TMEM63B: variants seen among roughly 807,000 people sequenced by gnomAD.
TMEM63B encodes the protein transmembrane protein 63B.
In TMEM63B, 23 loss-of-function variants were observed where a neutral mutation model predicts 102.6. The ratio of observed to expected loss-of-function variants is 0.22; its 90% CI spans 0.16 to 0.32. TMEM63B has a LOEUF of 0.32. TMEM63B is among the 10% of genes least tolerant of loss of function. TMEM63B has a pLI of 1.00. For synonymous variants in TMEM63B, 444 were observed against 437.0 expected, an observed-to-expected ratio of 1.02 and a Z score of -0.20; for missense variants, 628 against 1,095.9, an observed-to-expected ratio of 0.57 and a Z score of 6.03.
At chr6:44,146,969 C>A in intron 11 of TMEM63B, 42 bp downstream of exon 11, 2 of 1,603,672 alleles carry the variant, frequency 1.2e-6, no homozygotes, top group Non-Finnish European at 1.7e-6. Context: ...CAAGGGCCCC[C>A]TGCCATTGTG....
chr6:44,153,082 A>C (rs1467370816), intron 20 of TMEM63B, among the ~76,000 whole-genome samples: 1 of 152,216 alleles, frequency 6.6e-6, no homozygotes, highest in Non-Finnish European at 1.5e-5. Context: ...CTCAGGAAAG[A>C]CTTGGATTCC....
chr6:44,126,677 C>T (rs1777094719), upstream of TMEM63B, among the ~76,000 whole-genome samples: 1 of 152,188 alleles, frequency 6.6e-6, no homozygotes, highest in South Asian at 2.1e-4. Flanking sequence ...GCAATACTTC[C>T]TTTTTGTCCC....
rs201388559 is a variant in TMEM63B, at chr6:44,154,416, C to T, written c.2278C>T (p.Pro760Ser). ...TVDPRSNGRPPTAAAVPKSAK... is the reference protein window; with the variant it reads ...TVDPRSNGRPSTAAAVPKSAK... ...GGACCCCAGAAGCAATGGACGGCCCCCCACTGCTGCTGCTGTCCCCAAATC... is the reference window on the plus strand; with the variant it reads ...GGACCCCAGAAGCAATGGACGGCCCTCCACTGCTGCTGCTGTCCCCAAATC... Residue 760 changes from proline (P) to serine (S), a missense_variant, in exon 23 of 24, where the codon CCC becomes TCC. Coordinates refer to ENST00000323267, the MANE Select transcript of TMEM63B (RefSeq NM_018426.3). 2 of 1,614,082 alleles carry T rather than the reference C, an allele frequency of 1.2e-6. No homozygotes were observed. The highest frequency in any genetic ancestry group is 2.2e-5 in the East Asian group (1 of 44,896).
chr6:44,144,030 GT>G (rs1381497680), intron 10 of TMEM63B, among the ~76,000 whole-genome samples: 1 of 152,224 alleles, frequency 6.6e-6, no homozygotes, highest in Non-Finnish European at 1.5e-5. Context: ...TTGGTCTATA[GT>G]TTTGTTTAGG....
Position 44,150,561 on chromosome 6 carries a change from C to T in TMEM63B, c.1608-3C>T. 3 of 1,614,198 alleles carry T rather than the reference C, an allele frequency of 1.9e-6. No individual in the cohort carries two copies. Among genetic ancestry groups the T allele is most frequent in the Non-Finnish European group, 2.5e-6 (3 of 1,180,030 alleles). ...ACCCCATCTCTCCTCTGCTTCCCTC[C>T]AGCCTGGACCTCTTCTTCCGCTGGC... On this transcript the variant is annotated splice_polypyrimidine_tract_variant and splice_region_variant and intron_variant, in intron 17 of 23. Transcript: ENST00000323267. The surrounding 1 kb of genome is among the most constrained non-coding windows in gnomAD (Gnocchi z 4.7).
rs1024111648 is a variant in TMEM63B at position 44,152,971 on chromosome 6, C to T, written c.1942+273C>T. On this transcript the variant is annotated intron_variant, in intron 20 of 23. Transcript: ENST00000323267. The surrounding 1 kb of genome is among the most constrained non-coding windows in gnomAD (Gnocchi z 6.4). Reference sequence around the variant, plus strand: ...ACTTACCCACACCTGTGCCTTCCCTCAGCGGGATGTGCTTGGACACAGATC... The same window carrying T: ...ACTTACCCACACCTGTGCCTTCCCTTAGCGGGATGTGCTTGGACACAGATC... Among the ~76,000 whole-genome samples, 30 of 152,244 alleles carry T rather than the reference C, an allele frequency of 2.0e-4. No individual in the cohort carries two copies. The highest frequency in any genetic ancestry group is 1.8e-3 in the Admixed American group (27 of 15,294).
chr6:44,138,360 TAGTGAGGG>T, intron 5 of TMEM63B, 112 bp from the exon 6 acceptor site: 3 of 1,262,298 alleles, frequency 2.4e-6, no homozygotes, highest in Admixed American at 3.6e-5. Flanking sequence ...GATTTTTTTT[TAGTGAGGG>T]GTGTGGAAGC....
At chr6:44,135,231 A>T (rs1762684537) in intron 3 of TMEM63B, 97 bp from the exon 4 acceptor site, 10 of 1,567,608 alleles carry the variant, frequency 6.4e-6, no homozygotes, top group Non-Finnish European at 8.7e-6. Flanking sequence ...CAATGTGGGC[A>T]TGGGGGCATG....
At chr6:44,128,713 C>A (rs567123705) in intron 1 of TMEM63B, among the ~76,000 whole-genome samples, 1 of 152,230 alleles carries the variant, frequency 6.6e-6, no homozygotes, top group Non-Finnish European at 1.5e-5. Flanking sequence ...GTGCCCAACA[C>A]CTGCTGAAGA....
At position 44,154,005 on chromosome 6, in the gene TMEM63B, G is replaced by A. The variant is rs1012854580; in HGVS notation, c.2111-68G>A. The A allele has an allele frequency of 5.7e-6, 9 of 1,570,082 alleles. No individual in the cohort carries two copies. In the African/African-American group the frequency reaches 9.5e-5, roughly 17 times the overall value. On this transcript the variant is annotated intron_variant, in intron 21 of 23. Transcript: ENST00000323267. ...GGGAGAGTGAGGACTGCATTCAGAG[G>A]GTATCAGAAGCTGGGGTGGGGAGGC...
At position 44,135,579 on chromosome 6, in the gene TMEM63B, G is replaced by A. The variant is rs1762778236; in HGVS notation, c.278+213G>A. Reference sequence around the variant, plus strand: ...CACCTCCCCTTCATCTCTCCCTCTGGCTCCCTGCCTGGGAGAAGTCCCTCC... The same window carrying A: ...CACCTCCCCTTCATCTCTCCCTCTGACTCCCTGCCTGGGAGAAGTCCCTCC... On this transcript the variant is annotated intron_variant, in intron 4 of 23. Transcript: ENST00000323267. Among the ~76,000 whole-genome samples, 3 of 152,184 alleles carry A rather than the reference G, an allele frequency of 2.0e-5. No homozygotes were observed. The South Asian group carries it at 6.2e-4, about 32-fold the overall frequency.
At chr6:44,127,475 CCTTGCGTGCGCCGGCGTGCGGGG>C, upstream of TMEM63B, 1 of 151,926 alleles carries the variant, frequency 6.6e-6, no homozygotes, top group East Asian at 2.0e-4. Context: ...TGCGCGCGCA[CCTTGCGTGCGCCGGCGTGCGGGG>C]CGGGACCTGC....
intron 1 of TMEM63B, among the ~76,000 whole-genome samples, chr6:44,128,150 C>T (rs894682551): frequency 1.3e-5 from 2 of 152,136 alleles, no homozygotes; most frequent in Non-Finnish European, 2.9e-5. Flanking sequence ...CTGCTGCTCC[C>T]GGGGGCGAGT....
intron 10 of TMEM63B, among the ~76,000 whole-genome samples, chr6:44,145,924 G>A (rs958372372): frequency 5.9e-5 from 9 of 152,208 alleles, no homozygotes; most frequent in African/African-American, 2.2e-4. Flanking sequence ...CTGGGGTCAG[G>A]GTTAGGAGGT....
At chr6:44,128,560 C>G (rs1247406468) in intron 1 of TMEM63B, among the ~76,000 whole-genome samples, 1 of 152,248 alleles carries the variant, frequency 6.6e-6, no homozygotes, top group African/African-American at 2.4e-5. Flanking sequence ...GCTGGCTGCC[C>G]TTGGGGCGCT....
upstream of TMEM63B, chr6:44,126,982 G>C (rs115366175): frequency 1.3e-5 from 2 of 152,272 alleles, no homozygotes; most frequent in African/African-American, 2.4e-5. Context: ...CGCGGAAAGC[G>C]GAGAAGCCGG....
At chr6:44,131,220 T>C (rs1368724135) in intron 1 of TMEM63B, among the ~76,000 whole-genome samples, 1 of 152,052 alleles carries the variant, frequency 6.6e-6, no homozygotes, top group East Asian at 1.9e-4. Flanking sequence ...GCCTGGCACC[T>C]ACTACTACTT....
In TMEM63B at chr6:44,150,380, GCCT is replaced by G; in HGVS notation, c.1607+73_1607+75del. 6.5e-7 allele frequency: 1 copy of G among 1,529,348 alleles called. No individual in the cohort carries two copies. The highest frequency in any genetic ancestry group is 1.1e-5 in the South Asian group (1 of 89,124). 94.7% of individuals were successfully genotyped at this position (1,529,348 alleles called of 1,614,324 possible). A position where few individuals can be genotyped will look rare whatever the true frequency, so the allele number is the denominator to read the frequency against. The stretch of plus-strand genomic sequence containing the variant: ...AGGATAGGGAGAGGAGAGCAGTTCA[GCCT>G]CCCTACCTCCCCTACAAAGCAAGGG... On this transcript the variant is annotated intron_variant, in intron 17 of 23. Transcript: ENST00000323267. This position sits in a 1 kb window ranked among gnomAD's most constrained non-coding sequence, Gnocchi z 4.7.
In TMEM63B at chr6:44,140,351, G is replaced by A. The variant is rs746856140; in HGVS notation, c.702G>A (p.Glu234=). 17 of 1,613,610 alleles carry A rather than the reference G, an allele frequency of 1.1e-5. No individual in the cohort carries two copies. In the African/African-American group the frequency reaches 2.3e-4, roughly 22 times the overall value. ...RRHTSKMRYK[E]DDLVKRTLFI... ...ACACCTCCAAGATGCGCTACAAGGA[G>A]GATGATCTGGTGCGTGGAGCAGAGC... Residue 234 remains glutamate (E), a synonymous_variant, in exon 9 of 24, where the codon GAG becomes GAA. Coordinates refer to ENST00000323267, the MANE Select transcript of TMEM63B (RefSeq NM_018426.3).
Sources: gnomAD v4.1 joint callset for allele counts (sites outside exome capture counted in the v4.1 genomes callset) on GRCh38, gnomAD v4.1.1 for gene constraint, Gnocchi (gnomAD v3.1) non-coding constraint, MANE v1.5 for transcripts, NCBI Gene and HGNC (gene_info 2026-07-23, HGNC 2026-07-21) for gene names.